GNA11: variants seen among roughly 807,000 people sequenced by gnomAD.
GNA11 encodes the protein guanine nucleotide-binding protein subunit alpha-11.
GNA11 carries 8 observed loss-of-function variants against 38.2 expected under a neutral mutation model. The observed-to-expected ratio is 0.21, with a 90% confidence interval of 0.12 to 0.38. GNA11 has a LOEUF of 0.38. Ranked by LOEUF, GNA11 falls within the 10% of genes least tolerant of loss-of-function variation. The probability of loss-of-function intolerance (pLI) is 1.00; values close to 1 mark genes in which losing one functional copy is unlikely to be tolerated. For synonymous variants in GNA11, 211 were observed against 221.4 expected (o/e 0.95, Z 0.42); for missense variants, 268 against 516.3 (o/e 0.52, Z 4.66).
chr19:3,116,091 C>T (rs1319451463), intron 4 of GNA11, among the ~76,000 whole-genome samples: 1 of 151,940 alleles, frequency 6.6e-6, no homozygotes, highest in Non-Finnish European at 1.5e-5. Flanking sequence ...TCCTGCTGGG[C>T]CTCCGGGGCT....
At chr19:3,113,827 G>A (rs568684191) in intron 3 of GNA11, among the ~76,000 whole-genome samples, 7 of 152,328 alleles carry the variant, frequency 4.6e-5, no homozygotes, top group Admixed American at 3.3e-4. Flanking sequence ...TAGGAGGGCC[G>A]TGGGATGGGA....
At chr19:3,095,047 G>A (rs1230040861) in intron 1 of GNA11, among the ~76,000 whole-genome samples, 2 of 151,724 alleles carry the variant, frequency 1.3e-5, no homozygotes, top group Non-Finnish European at 2.9e-5. Flanking sequence ...TGTGTCGTCT[G>A]GGTCGGCTCG....
intron 2 of GNA11, among the ~76,000 whole-genome samples, chr19:3,112,937 G>T (rs1466311611): frequency 6.6e-6 from 1 of 152,214 alleles, no homozygotes; most frequent in Non-Finnish European, 1.5e-5. Flanking sequence ...TGGGGCTGTT[G>T]GTTAGTTCTG....
At chr19:3,116,705 C>G (rs1486402979) in intron 4 of GNA11, among the ~76,000 whole-genome samples, 1 of 152,230 alleles carries the variant, frequency 6.6e-6, no homozygotes, top group Non-Finnish European at 1.5e-5. Context: ...CGGCTCTGTC[C>G]TGGAGGGCCT....
chr19:3,117,673 C>T lies in GNA11; in HGVS notation c.606-1251C>T, dbSNP rs553108375. The T allele has an allele frequency of 3.3e-4, 51 of 152,676 alleles. 1 individual carries two copies. The highest frequency in any genetic ancestry group is 1.2e-3 in the African/African-American group (50 of 41,600). 9.5% of individuals were successfully genotyped at this position (152,676 alleles called of 1,614,324 possible). On this transcript the variant is annotated intron_variant, in intron 4 of 6. Coordinates refer to ENST00000078429, the MANE Select transcript of GNA11 (RefSeq NM_002067.5). Reference sequence around the variant, plus strand: ...CTGGGATTACAGGCGTGAGCCACCGCGCCCGGCCCGGCTGTGCCCTCTGTG... The same window carrying T: ...CTGGGATTACAGGCGTGAGCCACCGTGCCCGGCCCGGCTGTGCCCTCTGTG...
rs997448480 is a variant in GNA11, at chr19:3,108,133, C to T, written c.137-2016C>T. 6.6e-6 allele frequency among the ~76,000 whole-genome samples: 1 copy of T among 152,164 alleles called. No individual in the cohort carries two copies. The highest frequency in any genetic ancestry group is 2.4e-5 in the African/African-American group (1 of 41,444). The stretch of plus-strand genomic sequence containing the variant: ...GGGATGTGTTGGGTGTTTTGCGAGA[C>T]CCCCCACAGGGAGCTCAGGTGCTGT... On this transcript the variant is annotated intron_variant, in intron 1 of 6. Coordinates refer to ENST00000078429, the MANE Select transcript of GNA11 (RefSeq NM_002067.5). The surrounding 1 kb of genome is among the most constrained non-coding windows in gnomAD (Gnocchi z 4.5).
chr19:3,105,844 T>G (rs368051077), intron 1 of GNA11, among the ~76,000 whole-genome samples: 9 of 152,244 alleles, frequency 5.9e-5, no homozygotes, highest in Non-Finnish European at 1.5e-5. Context: ...GCCGTGGTGC[T>G]TGGTGTGCGG....
At chr19:3,113,614 C>A (rs978132061) in intron 3 of GNA11, 130 bp downstream of exon 3, 1 of 668,196 alleles carries the variant, frequency 1.5e-6, no homozygotes. Flanking sequence ...ATGCGGTGGG[C>A]CCGGGCCACC....
At chr19:3,107,752 G>A (rs115759942) in intron 1 of GNA11, among the ~76,000 whole-genome samples, 1,934 of 152,254 alleles carry the variant, frequency 0.013, 37 homozygotes, top group African/African-American at 0.044. Context: ...TGGGGGCCAG[G>A]GTTGCTGCTG....
At chr19:3,113,981 G>A (rs1599304291) in intron 3 of GNA11, among the ~76,000 whole-genome samples, 2 of 152,180 alleles carry the variant, frequency 1.3e-5, no homozygotes, top group African/African-American at 4.8e-5. Context: ...CTTGTGTGCT[G>A]ACAGGTGGCC....
In GNA11 at chr19:3,119,194, C is replaced by T. The variant is rs544105544; in HGVS notation, c.736-12C>T. The T allele has an allele frequency of 1.1e-4, 180 of 1,612,240 alleles. No homozygotes were observed. The highest frequency in any genetic ancestry group is 1.4e-4 in the Non-Finnish European group (165 of 1,179,444). ...GGGCCCCTCTGATTCCCTCTGCCTT[C>T]GCTCCCGCCAGAACCGGATGGAGGA... is the stretch of plus-strand genomic sequence containing the variant. On this transcript the variant is annotated splice_polypyrimidine_tract_variant and intron_variant, in intron 5 of 6. Transcript: ENST00000078429. This position sits in a 1 kb window ranked among gnomAD's most constrained non-coding sequence, Gnocchi z 4.6.
At position 3,121,282 on chromosome 19, in the gene GNA11, C is replaced by T. The variant is rs938180839; in HGVS notation, c.*103C>T. 10 of 779,026 alleles carry T rather than the reference C, an allele frequency of 1.3e-5. No individual in the cohort carries two copies. The African/African-American group carries it at 1.8e-4, about 14-fold the overall frequency. The allele number at this position is 779,026 out of a possible 1,614,324, so 48.3% of individuals were successfully genotyped here. A position where few individuals can be genotyped will look rare whatever the true frequency, so the allele number is the denominator to read the frequency against. On this transcript the variant is annotated 3_prime_UTR_variant, in exon 7 of 7. Transcript: ENST00000078429. Reference sequence around the variant, plus strand: ...TGGCGCTGCCGAGTCCGGGCCGGGGCCTCTGCCCGCGGGAGGAGATTTTTT... The same window carrying T: ...TGGCGCTGCCGAGTCCGGGCCGGGGTCTCTGCCCGCGGGAGGAGATTTTTT...
rs1342046254 is a variant in GNA11, at chr19:3,108,596, C to T, written c.137-1553C>T. ...GTCTCTAGGGCACCGGGGGCCTGAG[C>T]AAGGTTAATACCTGAGTAGAGAGTT... On this transcript the variant is annotated intron_variant, in intron 1 of 6. Coordinates refer to ENST00000078429, the MANE Select transcript of GNA11 (RefSeq NM_002067.5). The surrounding 1 kb of genome is among the most constrained non-coding windows in gnomAD (Gnocchi z 4.5). 6.6e-6 allele frequency among the ~76,000 whole-genome samples: 1 copy of T among 152,162 alleles called. No homozygotes were observed. The highest frequency in any genetic ancestry group is 1.9e-4 in the East Asian group (1 of 5,194).
rs1264711250 is a variant in GNA11 at position 3,094,876 on chromosome 19, G to T, written c.136+89G>T. 9.0e-6 allele frequency: 9 copies of T among 999,072 alleles called. No homozygotes were observed. The highest frequency in any genetic ancestry group is 1.2e-5 in the Non-Finnish European group (9 of 738,162). The allele number at this position is 999,072 out of a possible 1,614,324, so 61.9% of individuals were successfully genotyped here. A position where few individuals can be genotyped will look rare whatever the true frequency, so the allele number is the denominator to read the frequency against. ...CCGGGTCGGGCCGGGACCCTCCGGG[G>T]TCAGCCCTGCCTGTGCCGTCCGGGT... On this transcript the variant is annotated intron_variant, in intron 1 of 6. Coordinates refer to ENST00000078429, the MANE Select transcript of GNA11 (RefSeq NM_002067.5). This position sits in a 1 kb window ranked among gnomAD's most constrained non-coding sequence, Gnocchi z 6.0.
rs2145327923 is a variant in GNA11, at chr19:3,120,011, G to C, written c.889+652G>C. Among the ~76,000 whole-genome samples, 1 of 152,158 alleles carries C rather than the reference G, an allele frequency of 6.6e-6. No individual in the cohort carries two copies. Among genetic ancestry groups the C allele is most frequent in the Non-Finnish European group, 1.5e-5 (1 of 67,972 alleles). On this transcript the variant is annotated intron_variant, in intron 6 of 6. Coordinates refer to ENST00000078429, the MANE Select transcript of GNA11 (RefSeq NM_002067.5). The surrounding 1 kb of genome is among the most constrained non-coding windows in gnomAD (Gnocchi z 5.9). Reference sequence around the variant, plus strand: ...GGGTGTTGTGTGCCCTCGTCTGTGTGGTCAGTGGCTGCCGTTAGTGCTGTC... The same window carrying C: ...GGGTGTTGTGTGCCCTCGTCTGTGTCGTCAGTGGCTGCCGTTAGTGCTGTC...
chr19:3,118,633 T>C (rs1189304996), intron 4 of GNA11: 2 of 375,890 alleles, frequency 5.3e-6, no homozygotes, highest in East Asian at 8.6e-5. Context: ...CCGCAGCAGC[T>C]GGCGCCCAGA....
At chr19:3,107,501 G>T (rs965951733) in intron 1 of GNA11, among the ~76,000 whole-genome samples, 2 of 152,254 alleles carry the variant, frequency 1.3e-5, no homozygotes, top group African/African-American at 4.8e-5. Context: ...GCCTGTGCTG[G>T]GGTGCAGGCT....
chr19:3,113,233 C>T (rs559713435), intron 2 of GNA11, 97 bp from the exon 3 acceptor site: 31 of 1,210,132 alleles, frequency 2.6e-5, no homozygotes, highest in East Asian at 2.3e-4. Context: ...GAATGCCGCC[C>T]GGGCCAGCCG....
intron 1 of GNA11, among the ~76,000 whole-genome samples, chr19:3,099,050 C>T (rs889423706): frequency 1.3e-5 from 2 of 152,168 alleles, no homozygotes; most frequent in Non-Finnish European, 2.9e-5. Flanking sequence ...GGAGGAAGTG[C>T]TTTCCTCCGA....
Sources: allele counts gnomAD v4.1 joint callset (sites outside exome capture counted in the v4.1 genomes callset), GRCh38; gene constraint gnomAD v4.1.1; non-coding constraint Gnocchi (gnomAD v3.1); transcripts MANE v1.5; gene names NCBI Gene and HGNC (gene_info 2026-07-23, HGNC 2026-07-21).